The following ZNF33A variants were observed in gnomAD, a reference collection of about 807,000 sequenced individuals.
ZNF33A encodes the protein zinc finger protein 33A.
ZNF33A carries 9 observed loss-of-function variants against 15.9 expected under a neutral mutation model. The ratio of observed to expected loss-of-function variants is 0.57; its 90% CI spans 0.34 to 0.99. ZNF33A has a LOEUF of 0.99. ZNF33A is among the 50% of genes least tolerant of loss of function. The pLI is 0.02. For missense variants in ZNF33A, 843 were observed against 941.6 expected (o/e 0.90, Z 1.37); for synonymous variants, 294 against 324.2 (o/e 0.91, Z 1.00).
chr10:38,046,469 T>C (rs1349030864), intron 4 of ZNF33A, among the ~76,000 whole-genome samples: 1 of 152,076 alleles, frequency 6.6e-6, no homozygotes, highest in Non-Finnish European at 1.5e-5. Flanking sequence ...CTGCTCCAGA[T>C]TTGCCTAAGA....
intron 4 of ZNF33A, among the ~76,000 whole-genome samples, chr10:38,026,718 C>G (rs1305875305): frequency 2.0e-5 from 3 of 152,174 alleles, no homozygotes; most frequent in African/African-American, 7.2e-5. Flanking sequence ...ATGTTTTCTT[C>G]TAAACATTTT....
Position 38,057,955 on chromosome 10 carries a change from A to C in ZNF33A, c.*1395A>C. On this transcript the variant is annotated 3_prime_UTR_variant, in exon 5 of 5. Transcript: ENST00000432900. ...AGAGGAGGGTTGAGGCTGGAGCAGA[A>C]CCAGAATCAAGCTGGTGTGGGGCTT... The C allele has an allele frequency of 9.1e-6, 9 of 985,412 alleles. No individual in the cohort carries two copies. The highest frequency in any genetic ancestry group is 8.4e-6 in the Non-Finnish European group (7 of 829,940). The allele number at this position is 985,412 out of a possible 1,614,324, so 61.0% of individuals were successfully genotyped here.
At chr10:38,060,832 G>A (rs1769832194), downstream of ZNF33A, among the ~76,000 whole-genome samples, 1 of 152,180 alleles carries the variant, frequency 6.6e-6, no homozygotes, top group East Asian at 1.9e-4. Flanking sequence ...CTTGGCCTGT[G>A]CTGTAATGCA....
downstream of ZNF33A, among the ~76,000 whole-genome samples, chr10:38,062,752 C>A (rs1225843549): frequency 6.6e-6 from 1 of 151,700 alleles, no homozygotes; most frequent in African/African-American, 2.4e-5. Flanking sequence ...ACCTGTAATC[C>A]CAGCACTCTG....
At chr10:38,012,481 G>A in intron 2 of ZNF33A, 131 bp downstream of exon 2, 1 of 1,111,436 alleles carries the variant, frequency 9.0e-7, no homozygotes, top group Non-Finnish European at 1.3e-6. Flanking sequence ...ACCCAGGCTG[G>A]AGTACAATGT....
intron 4 of ZNF33A, among the ~76,000 whole-genome samples, chr10:38,031,569 C>T (rs557848968): frequency 2.8e-5 from 2 of 70,974 alleles, no homozygotes; most frequent in South Asian, 1.0e-3. Context: ...GACCTTGCCT[C>T]AAAAAAAAAA....
chr10:38,036,367 C>A (rs976802702), intron 4 of ZNF33A, among the ~76,000 whole-genome samples: 1 of 151,830 alleles, frequency 6.6e-6, no homozygotes, highest in African/African-American at 2.4e-5. Context: ...GAACCTGGAA[C>A]GCAGAGGTTG....
At chr10:38,013,858 C>G (rs1465213921) in intron 2 of ZNF33A, among the ~76,000 whole-genome samples, 1 of 151,934 alleles carries the variant, frequency 6.6e-6, no homozygotes, top group Non-Finnish European at 1.5e-5. Flanking sequence ...ATACACAGGT[C>G]AAAACAAACA....
intron 4 of ZNF33A, among the ~76,000 whole-genome samples, chr10:38,028,373 G>A (rs1306917302): frequency 1.3e-5 from 2 of 151,984 alleles, no homozygotes; most frequent in Non-Finnish European, 2.9e-5. Flanking sequence ...TCACCAACAA[G>A]GCAGTGCTTC....
At chr10:38,061,198 G>A (rs1410878348), downstream of ZNF33A, among the ~76,000 whole-genome samples, 1 of 152,060 alleles carries the variant, frequency 6.6e-6, no homozygotes, top group East Asian at 1.9e-4. Flanking sequence ...TTGTGGAAAG[G>A]CAGGAGACAA....
intron 4 of ZNF33A, among the ~76,000 whole-genome samples, chr10:38,033,990 C>T (rs150234774): frequency 0.011 from 1,662 of 152,204 alleles, 36 homozygotes; most frequent in African/African-American, 0.038. Context: ...GGATTACAGG[C>T]GTGAGCTGCT....
intron 4 of ZNF33A, among the ~76,000 whole-genome samples, chr10:38,041,841 T>G (rs144908593): frequency 2.0e-5 from 3 of 152,200 alleles, no homozygotes; most frequent in African/African-American, 7.2e-5. Context: ...TTGATGGCTT[T>G]TTGTTGTTGT....
intron 4 of ZNF33A, among the ~76,000 whole-genome samples, chr10:38,019,370 T>A (rs998137400): frequency 2.6e-5 from 4 of 152,250 alleles, no homozygotes; most frequent in Admixed American, 2.0e-4. Flanking sequence ...CATATTTTCT[T>A]AATCCAGTCT....
intron 4 of ZNF33A, among the ~76,000 whole-genome samples, chr10:38,020,846 A>G (rs1042076723): frequency 6.6e-5 from 10 of 152,216 alleles, no homozygotes; most frequent in African/African-American, 2.4e-4. Flanking sequence ...TTTTGGGCAT[A>G]TACCTAGCAG....
chr10:38,066,921 G>T (rs2066714741), downstream of ZNF33A, among the ~76,000 whole-genome samples: 2 of 152,122 alleles, frequency 1.3e-5, no homozygotes, highest in Non-Finnish European at 2.9e-5. Flanking sequence ...GATAGAGTGA[G>T]ACTCTGTCTC....
chr10:38,011,889 G>C (rs2064202969), intron 1 of ZNF33A, among the ~76,000 whole-genome samples: 1 of 152,156 alleles, frequency 6.6e-6, no homozygotes, highest in Non-Finnish European at 1.5e-5. Context: ...ACATTACTGG[G>C]AAAATAGATA....
At chr10:38,036,817 C>T (rs887114473) in intron 4 of ZNF33A, among the ~76,000 whole-genome samples, 2 of 152,148 alleles carry the variant, frequency 1.3e-5, no homozygotes, top group African/African-American at 4.8e-5. Flanking sequence ...GGCATGATTG[C>T]CTAAGGAGAA....
intron 4 of ZNF33A, among the ~76,000 whole-genome samples, chr10:38,019,498 A>T (rs2064638454): frequency 6.6e-6 from 1 of 152,226 alleles, no homozygotes; most frequent in African/African-American, 2.4e-5. Flanking sequence ...TTTTCAAAGT[A>T]GCCAGAGAGA....
At chr10:38,034,845 C>G (rs2065370736) in intron 4 of ZNF33A, among the ~76,000 whole-genome samples, 1 of 152,106 alleles carries the variant, frequency 6.6e-6, no homozygotes, top group South Asian at 2.1e-4. Context: ...AAGATAGGGG[C>G]TAATGGTGTG....
Sources: allele counts gnomAD v4.1 joint callset (sites outside exome capture counted in the v4.1 genomes callset), GRCh38; gene constraint gnomAD v4.1.1; transcripts MANE v1.5; gene names NCBI Gene and HGNC (gene_info 2026-07-23, HGNC 2026-07-21).